PEAK1: variants seen among roughly 807,000 people sequenced by gnomAD.
PEAK1 encodes inactive tyrosine-protein kinase PEAK1.
Under a neutral mutation model 124.7 loss-of-function variants are expected in PEAK1, and 54 were observed. That is an observed-to-expected ratio of 0.43 (90% confidence interval 0.35 to 0.54). The LOEUF (loss-of-function observed/expected upper bound fraction) is 0.54, where lower values mean the gene tolerates loss of function less well. PEAK1 is among the 20% of genes least tolerant of loss of function. The pLI is 0.01. For missense variants in PEAK1, 2,046 were observed against 2,134.5 expected (o/e 0.96, Z 0.82); for synonymous variants, 719 against 760.0 (o/e 0.95, Z 0.89).
chr15:77,389,849 A>G (rs1194169403), intron 1 of PEAK1, among the ~76,000 whole-genome samples: 3 of 152,198 alleles, frequency 2.0e-5, no homozygotes, highest in Non-Finnish European at 4.4e-5. Context: ...TTTACAGTGT[A>G]TTTCAAGCAG....
chr15:77,225,488 G>A (rs1256843980), intron 6 of PEAK1, among the ~76,000 whole-genome samples: 1 of 151,474 alleles, frequency 6.6e-6, no homozygotes, highest in Non-Finnish European at 1.5e-5. Flanking sequence ...TAAAGATATA[G>A]GTGGTTAAAA....
chr15:77,152,105 T>C (rs967246160), intron 8 of PEAK1, among the ~76,000 whole-genome samples: 1 of 152,210 alleles, frequency 6.6e-6, no homozygotes, highest in Admixed American at 6.5e-5. Context: ...CGATATTGAT[T>C]CTTCCCACCT....
intron 2 of PEAK1, chr15:77,334,912 C>A: frequency 3.0e-6 from 3 of 985,408 alleles, no homozygotes; most frequent in Non-Finnish European, 3.6e-6. Flanking sequence ...TGATATCCAG[C>A]TTCCCCAGGT....
intron 1 of PEAK1, among the ~76,000 whole-genome samples, chr15:77,373,231 T>C (rs1271729363): frequency 6.6e-6 from 1 of 152,176 alleles, no homozygotes; most frequent in Non-Finnish European, 1.5e-5. Flanking sequence ...AAATTGTTAT[T>C]TTCCCCTTTG....
At chr15:77,272,255 C>G (rs188355289) in intron 5 of PEAK1, among the ~76,000 whole-genome samples, 88 of 152,052 alleles carry the variant, frequency 5.8e-4, no homozygotes, top group Non-Finnish European at 1.1e-3. Flanking sequence ...AACAAGCAAC[C>G]AAGATCAGAG....
At chr15:77,368,003 T>C (rs17470228) in intron 1 of PEAK1, among the ~76,000 whole-genome samples, 41,402 of 152,148 alleles carry the variant, frequency 0.27, 6,667 homozygotes, top group Middle Eastern at 0.38. Flanking sequence ...CGCTGGCAAA[T>C]GACAGGTAAG....
chr15:77,377,991 T>C (rs923418454), intron 1 of PEAK1, among the ~76,000 whole-genome samples: 1 of 152,104 alleles, frequency 6.6e-6, no homozygotes, highest in African/African-American at 2.4e-5. Flanking sequence ...TGGTATATTT[T>C]CTTCCAGTGC....
At chr15:77,167,227 A>C (rs2056164302) in intron 7 of PEAK1, among the ~76,000 whole-genome samples, 1 of 152,224 alleles carries the variant, frequency 6.6e-6, no homozygotes, top group Non-Finnish European at 1.5e-5. Flanking sequence ...GAAATTCATA[A>C]TGAACTATGA....
At chr15:77,396,748 C>T in intron 1 of PEAK1, among the ~76,000 whole-genome samples, 1 of 151,944 alleles carries the variant, frequency 6.6e-6, no homozygotes. Context: ...TATATGTACC[C>T]AACACTGGAG....
chr15:77,146,786 A>G (rs1343675171), intron 8 of PEAK1, among the ~76,000 whole-genome samples: 1 of 152,210 alleles, frequency 6.6e-6, no homozygotes. Context: ...TGTCTGCTCA[A>G]TAATTATTTG....
rs1256704120 is a variant in PEAK1, at chr15:77,180,581, G to A, written c.1346C>T (p.Thr449Ile). 1 of 1,614,066 alleles carries A rather than the reference G, an allele frequency of 6.2e-7. No homozygotes were observed. ...CTCTTCTGTGGGGACAAGGTTTATG[G>A]TTACTGCTTGCCCAGCAACATCTGT... ...ASTDVAGQAV[T>I]INLVPTEEQA... The change falls in exon 7 of 10, where the codon ACC becomes ATC. Residue 449 changes from threonine to isoleucine, a missense_variant. By Grantham distance (89) the Thr-to-Ile change is moderately conservative. Transcript: ENST00000682557.
intron 9 of PEAK1, among the ~76,000 whole-genome samples, chr15:77,119,047 G>GTTGAATTTACTTATAAA (rs757232136): frequency 6.6e-6 from 1 of 150,912 alleles, no homozygotes; most frequent in South Asian, 2.1e-4. Flanking sequence ...ACAAAACCAG[G>GTTGAATTTACTTATAAA]CTGCTGAAGG....
chr15:77,181,820 G>A lies in PEAK1; in HGVS notation c.107C>T (p.Ala36Val), dbSNP rs775546715. ...TTTCACATTGCCATGGGTGATGGGT[G>A]CCTTCTCAGGGTCTGGGGGAAGCTG... ...LHQLPPDPEK[A>V]PITHGNVKTN... Residue 36 changes from alanine to valine, a missense_variant, in exon 7 of 10, where the codon GCA (alanine) becomes GTA (valine). Ala to Val is a moderately conservative substitution (Grantham distance 64). Transcript: ENST00000682557. The A allele has an allele frequency of 2.5e-6, 4 of 1,614,092 alleles. No individual in the cohort carries two copies. Among genetic ancestry groups the A allele is most frequent in the Non-Finnish European group, 3.4e-6 (4 of 1,179,942 alleles).
chr15:77,227,893 A>G (rs2059746306), intron 6 of PEAK1, among the ~76,000 whole-genome samples: 1 of 151,974 alleles, frequency 6.6e-6, no homozygotes, highest in African/African-American at 2.4e-5. Context: ...GCTACTTGGG[A>G]GGCTACTCAA....
At chr15:77,165,676 C>T (rs543437145) in intron 7 of PEAK1, among the ~76,000 whole-genome samples, 16 of 152,166 alleles carry the variant, frequency 1.1e-4, no homozygotes, top group African/African-American at 3.4e-4. Context: ...GCAGGCTGAC[C>T]GAGGAAATGG....
intron 5 of PEAK1, among the ~76,000 whole-genome samples, chr15:77,266,420 T>C (rs2061735905): frequency 6.6e-6 from 1 of 152,102 alleles, no homozygotes; most frequent in South Asian, 2.1e-4. Flanking sequence ...CAAGTGTCAC[T>C]GGAGGATGAT....
chr15:77,343,758 T>C (rs2066695228), intron 2 of PEAK1, among the ~76,000 whole-genome samples: 1 of 152,184 alleles, frequency 6.6e-6, no homozygotes, highest in South Asian at 2.1e-4. Context: ...AGTGCTGGGA[T>C]TACAGGTGTG....
chr15:77,157,043 C>T (rs1226049465), intron 8 of PEAK1: 1 of 152,180 alleles, frequency 6.6e-6, no homozygotes, highest in Non-Finnish European at 1.5e-5. Context: ...AATGTATTTT[C>T]AACTGCATAT....
At chr15:77,193,978 C>G (rs2057983501) in intron 6 of PEAK1, among the ~76,000 whole-genome samples, 1 of 152,078 alleles carries the variant, frequency 6.6e-6, no homozygotes, top group Non-Finnish European at 1.5e-5. Flanking sequence ...CAGAATTATA[C>G]CTCTTGCTCC....
Sources: gnomAD v4.1 joint callset for allele counts (sites outside exome capture counted in the v4.1 genomes callset) on GRCh38, gnomAD v4.1.1 for gene constraint, MANE v1.5 for transcripts, NCBI Gene and HGNC (gene_info 2026-07-23, HGNC 2026-07-21) for gene names.